Variants in KCP observed in about 807,000 individuals in gnomAD.
KCP encodes kielin/chordin-like protein.
KCP carries 194 observed loss-of-function variants against 212.7 expected under a neutral mutation model. That is an observed-to-expected ratio of 0.91 (90% CI 0.81 to 1.03). The LOEUF (loss-of-function observed/expected upper bound fraction) is 1.03. Among genes scored for constraint, KCP ranks in the 50% least tolerant of loss-of-function variants. KCP has a pLI of 0.00. For missense variants in KCP, 2,080 were observed against 2,162.5 expected, an observed-to-expected ratio of 0.96 and a Z score of 0.76; for synonymous variants, 833 against 865.3, an observed-to-expected ratio of 0.96 and a Z score of 0.65.
chr7:128,878,939 G>T, intron 37 of KCP: 1 of 518,338 alleles, frequency 1.9e-6, no homozygotes, highest in Non-Finnish European at 3.4e-6. Flanking sequence ...GACAGGAGGA[G>T]CTGCCCACAG....
Position 128,906,277 on chromosome 7 carries a change from A to C in KCP, c.571+2T>G. ...TGGGGCTGAGACTGGCAGGAGGCTG[A>C]CCTGGCTTACAGTGCGGGCAGCATG... On this transcript the variant is annotated splice_donor_variant, in intron 5 of 39. Coordinates refer to ENST00000610776, the MANE Select transcript of KCP (RefSeq NM_001366122.1). LOFTEE classifies it high-confidence loss of function. 1 of 1,550,186 alleles carries C rather than the reference A, an allele frequency of 6.5e-7. No homozygotes were observed. Among genetic ancestry groups the C allele is most frequent in the Non-Finnish European group, 8.7e-7 (1 of 1,145,864 alleles).
chr7:128,893,415 G>T lies in KCP; in HGVS notation c.1161C>A (p.Gly387=), dbSNP rs1325845056. The T allele has an allele frequency of 1.7e-5, 27 of 1,551,652 alleles. No homozygotes were observed. In the East Asian group the frequency reaches 5.9e-4, roughly 34 times the overall value. The change falls in exon 12 of 40, where the codon GGC becomes GGA. Residue 387 remains glycine (G), a synonymous_variant. Coordinates refer to ENST00000610776, the MANE Select transcript of KCP (RefSeq NM_001366122.1). ...SQETFRLQER[G]LCVRCSCQAG... is the part of the protein sequence containing the mutation. ...CCTGGCAGGAGCAGCGGACACAGAG[G>T]CCCCGCTCTTGGAGTCTGAAGGTCT...
Position 128,910,680 on chromosome 7 carries a change from AGCTCCGCCTC to A in KCP, c.-14_-5del, listed in dbSNP as rs1241725078. The A allele has an allele frequency of 1.3e-5, 19 of 1,496,698 alleles. No homozygotes were observed. Among genetic ancestry groups the A allele is most frequent in the Non-Finnish European group, 1.7e-5 (19 of 1,129,650 alleles). 92.7% of individuals were successfully genotyped at this position (1,496,698 alleles called of 1,614,324 possible). On this transcript the variant is annotated 5_prime_UTR_variant, in exon 1 of 40. Transcript: ENST00000610776. ...CAGCGGCCCCGACCCCGGCCATGCT[AGCTCCGCCTC>A]GCTCGGCTCGCCGTCTGTCGTCGCG...
At chr7:128,882,415 A>G (rs571890944) in intron 29 of KCP, among the ~76,000 whole-genome samples, 87 of 152,292 alleles carry the variant, frequency 5.7e-4, no homozygotes, top group Admixed American at 1.1e-3. Flanking sequence ...GCCAGCACTC[A>G]GTGCCTGTGC....
At chr7:128,902,709 T>G in intron 8 of KCP, 68 bp downstream of exon 8, 1 of 1,379,304 alleles carries the variant, frequency 7.3e-7, no homozygotes, top group Non-Finnish European at 1.0e-6. Context: ...CTCCATAGAA[T>G]GAGCAAATGA....
At chr7:128,908,184 G>A (rs1795226379) in intron 2 of KCP, among the ~76,000 whole-genome samples, 1 of 138,960 alleles carries the variant, frequency 7.2e-6, no homozygotes, top group South Asian at 2.4e-4. Context: ...TGGAAGGAAG[G>A]AAGGAAGGAA....
intron 8 of KCP, among the ~76,000 whole-genome samples, chr7:128,901,848 C>G (rs889952861): frequency 2.6e-5 from 4 of 152,122 alleles, no homozygotes; most frequent in African/African-American, 7.2e-5. Flanking sequence ...TCAGGTGCCC[C>G]CACCTGGCCT....
Position 128,879,508 on chromosome 7 carries a change from C to T in KCP, c.4146+14G>A. 1 of 1,546,516 alleles carries T rather than the reference C, an allele frequency of 6.5e-7. No individual in the cohort carries two copies. The highest frequency in any genetic ancestry group is 1.2e-5 in the South Asian group (1 of 83,822). ...CCAGCAGGCAGCCCACCCAGACTCG[C>T]CCTGGAGCCGCACCTGGAGCCCGGG... On this transcript the variant is annotated intron_variant, in intron 37 of 39. Coordinates refer to ENST00000610776, the MANE Select transcript of KCP (RefSeq NM_001366122.1).
chr7:128,883,961 C>T (rs1793486646), intron 29 of KCP, 41 bp downstream of exon 29: 1 of 1,532,916 alleles, frequency 6.5e-7, no homozygotes, highest in Non-Finnish European at 8.8e-7. Flanking sequence ...GGTGGCAGCC[C>T]TAACCTCATA....
chr7:128,879,089 A>T, intron 37 of KCP: 1 of 357,810 alleles, frequency 2.8e-6, no homozygotes, highest in Non-Finnish European at 5.1e-6. Context: ...CCGGATTAGA[A>T]GTGTACACCC....
At position 128,878,730 on chromosome 7, in the gene KCP, G is replaced by C; in HGVS notation, c.4147-8C>G. The C allele has an allele frequency of 1.3e-6, 2 of 1,547,514 alleles. No homozygotes were observed. Among genetic ancestry groups the C allele is most frequent in the Non-Finnish European group, 1.7e-6 (2 of 1,146,636 alleles). On this transcript the variant is annotated splice_polypyrimidine_tract_variant and splice_region_variant and intron_variant, in intron 37 of 39. Transcript: ENST00000610776. ...CTGCCCATCCCACAGCACCTGTGTG[G>C]AGAGGCCTGAGACTGGGGAGCAGGG...
At chr7:128,907,005 C>G (rs752466324) in intron 4 of KCP, 96 bp downstream of exon 4, 10 of 1,196,984 alleles carry the variant, frequency 8.4e-6, no homozygotes, top group Non-Finnish European at 1.2e-5. Flanking sequence ...GCAGGCAGAG[C>G]CCATTATGCG....
At chr7:128,895,383 C>T (rs554523696) in intron 8 of KCP, among the ~76,000 whole-genome samples, 1 of 152,222 alleles carries the variant, frequency 6.6e-6, no homozygotes, top group Non-Finnish European at 1.5e-5. Context: ...GCTACTGCCA[C>T]TACCCCATGG....
Position 128,880,029 on chromosome 7 carries a change from G to GGGCCGAGGCAGGC in KCP, c.3803_3815dup (p.Ala1273ProfsTer49). 1 of 1,549,292 alleles carries GGGCCGAGGCAGGC rather than the reference G, an allele frequency of 6.5e-7. No individual in the cohort carries two copies. The highest frequency in any genetic ancestry group is 8.7e-7 in the Non-Finnish European group (1 of 1,146,726). Reference sequence around the variant, plus strand: ...GGTCTCCGAAGGCCATGCAGGAAGCGGGCCGAGGCAGGCAGCGGGGGCAGC... The same window carrying GGGCCGAGGCAGGC: ...GGTCTCCGAAGGCCATGCAGGAAGCGGGCCGAGGCAGGCGGCCGAGGCAGGCAGCGGGGGCAGC... On this transcript the variant is annotated frameshift_variant, in exon 35 of 40. Coordinates refer to ENST00000610776, the MANE Select transcript of KCP (RefSeq NM_001366122.1). LOFTEE classifies it high-confidence loss of function.
At position 128,881,713 on chromosome 7, in the gene KCP, G is replaced by T; in HGVS notation, c.3337C>A (p.Leu1113Ile). ...YTCQCQDLTW[L>I]CIHQACPELS... is the part of the protein sequence containing the mutation. ...TCAGGACAAGCCTGGTGGATGCAGA[G>T]CCATGTCAGGTCCTGCCCATGTGAA... Residue 1113 changes from leucine (L) to isoleucine (I), a missense_variant, in exon 31 of 40, where the codon CTC becomes ATC. By Grantham distance (5) the Leu-to-Ile change is conservative (BLOSUM62 2). Transcript: ENST00000610776. 6.5e-7 allele frequency: 1 copy of T among 1,533,038 alleles called. No homozygotes were observed. Among genetic ancestry groups the T allele is most frequent in the South Asian group, 1.2e-5 (1 of 81,360 alleles). 95.0% of individuals were successfully genotyped at this position (1,533,038 alleles called of 1,614,324 possible). A position where few individuals can be genotyped will look rare whatever the true frequency, so the allele number is the denominator to read the frequency against.
intron 21 of KCP, chr7:128,890,102 T>C (rs988763894): frequency 1.6e-6 from 1 of 608,010 alleles, no homozygotes; most frequent in African/African-American, 1.9e-5. Flanking sequence ...ATTTTTTGTG[T>C]AGAGACAAGA....
At position 128,882,395 on chromosome 7, in the gene KCP, G is replaced by A. The variant is rs144485637; in HGVS notation, c.3245-379C>T. 3.3e-3 allele frequency among the ~76,000 whole-genome samples: 501 copies of A among 152,234 alleles called. 2 individuals carry two copies. Among genetic ancestry groups the A allele is most frequent in the African/African-American group, 0.012 (479 of 41,534 alleles). ...GCACACAGCCAGGCATCCCGGGTTC[G>A]AATCCTGATGCCAGCACTCAGTGCC... On this transcript the variant is annotated intron_variant, in intron 29 of 39. Coordinates refer to ENST00000610776, the MANE Select transcript of KCP (RefSeq NM_001366122.1).
At chr7:128,908,201 G>T (rs1241521071) in intron 2 of KCP, among the ~76,000 whole-genome samples, 1 of 104,872 alleles carries the variant, frequency 9.5e-6, no homozygotes, top group South Asian at 3.0e-4. Context: ...GGAAAAGAAA[G>T]AAAAAAAAAG....
intron 7 of KCP, chr7:128,903,394 A>AT: frequency 2.9e-6 from 1 of 345,464 alleles, no homozygotes; most frequent in Non-Finnish European, 5.2e-6. Context: ...CTGTTACAAG[A>AT]TTTTGCATTA....
Sources: gnomAD v4.1 joint callset for allele counts (sites outside exome capture counted in the v4.1 genomes callset) on GRCh38, gnomAD v4.1.1 for gene constraint, MANE v1.5 for transcripts, NCBI Gene and HGNC (gene_info 2026-07-23, HGNC 2026-07-21) for gene names.